The following DYM variants were observed in gnomAD, a reference collection of about 807,000 sequenced individuals.
DYM encodes the protein dyggve-Melchior-Clausen syndrome protein.
A neutral mutation model predicts 93.1 loss-of-function variants in DYM; 78 were observed. That is an observed-to-expected ratio of 0.84 (90% CI 0.70 to 1.01). The LOEUF (loss-of-function observed/expected upper bound fraction) is 1.01, where lower values mean the gene tolerates loss of function less well. DYM is among the 50% of genes least tolerant of loss of function. The pLI is 0.00. For synonymous variants in DYM, 321 were observed against 319.7 expected (o/e 1.00, Z -0.04); for missense variants, 789 against 845.0 (o/e 0.93, Z 0.82).
intron 15 of DYM, among the ~76,000 whole-genome samples, chr18:49,135,187 C>A (rs1281417947): frequency 6.6e-6 from 1 of 152,132 alleles, no homozygotes; most frequent in Non-Finnish European, 1.5e-5. Context: ...GAAAAAATGA[C>A]TATTTCCACT....
At chr18:49,375,256 GA>G (rs934059029) in intron 5 of DYM, among the ~76,000 whole-genome samples, 13 of 143,780 alleles carry the variant, frequency 9.0e-5, no homozygotes, top group African/African-American at 2.9e-4. Context: ...GGCTTTAGAA[GA>G]AAAAAATATA....
intron 14 of DYM, among the ~76,000 whole-genome samples, chr18:49,165,553 A>T (rs1396220574): frequency 6.6e-6 from 1 of 152,150 alleles, no homozygotes; most frequent in Non-Finnish European, 1.5e-5. Context: ...GCCACTAAGT[A>T]GTCTTTGTAG....
intron 8 of DYM, among the ~76,000 whole-genome samples, chr18:49,316,242 A>AT (rs1407754517): frequency 6.6e-6 from 1 of 152,210 alleles, no homozygotes; most frequent in Admixed American, 6.5e-5. Flanking sequence ...AGATCGCGCC[A>AT]TTATACTCCA....
At chr18:49,090,101 T>C (rs1599670537) in intron 17 of DYM, among the ~76,000 whole-genome samples, 1 of 152,360 alleles carries the variant, frequency 6.6e-6, no homozygotes, top group East Asian at 1.9e-4. Flanking sequence ...AGGTATTACA[T>C]TATTCTAGCA....
rs554530476 is a variant in DYM at position 49,319,605 on chromosome 18, C to T, written c.763+12259G>A. ...CATTTTGTTCTGGACACTTATCACA[C>T]GTTATTTAAATGTGACAAAAGCCCA... is the stretch of plus-strand genomic sequence containing the variant. On this transcript the variant is annotated intron_variant, in intron 8 of 17. Transcript: ENST00000675505. 4.6e-5 allele frequency among the ~76,000 whole-genome samples: 7 copies of T among 152,256 alleles called. No individual in the cohort carries two copies. In the South Asian group the frequency reaches 1.0e-3, roughly 23 times the overall value.
At chr18:49,067,291 C>T (rs1156755332) in intron 17 of DYM, among the ~76,000 whole-genome samples, 33 of 9,546 alleles carry the variant, frequency 3.5e-3, no homozygotes, top group African/African-American at 5.9e-3. Flanking sequence ...GTGATGTGAG[C>T]ACTATGGAGG....
At chr18:49,107,927 C>A (rs2081012967) in intron 16 of DYM, among the ~76,000 whole-genome samples, 1 of 152,226 alleles carries the variant, frequency 6.6e-6, no homozygotes, top group African/African-American at 2.4e-5. Context: ...CTACTCTCTT[C>A]AAAGCTGTCA....
At chr18:49,114,971 T>C (rs2081791203) in intron 16 of DYM, among the ~76,000 whole-genome samples, 1 of 152,214 alleles carries the variant, frequency 6.6e-6, no homozygotes, top group African/African-American at 2.4e-5. Context: ...TGTATAGTGG[T>C]TAGGCAGAAT....
intron 2 of DYM, among the ~76,000 whole-genome samples, chr18:49,425,900 G>T (rs2074237842): frequency 1.3e-5 from 2 of 151,898 alleles, no homozygotes; most frequent in Non-Finnish European, 2.9e-5. Flanking sequence ...GAAACAACAG[G>T]TGCTGGAGAG....
At chr18:49,417,525 G>A (rs533869589) in intron 2 of DYM, among the ~76,000 whole-genome samples, 30 of 151,516 alleles carry the variant, frequency 2.0e-4, no homozygotes, top group South Asian at 2.1e-4. Flanking sequence ...AAACCCAAAT[G>A]GTAAATCCAA....
intron 10 of DYM, among the ~76,000 whole-genome samples, chr18:49,273,727 T>C (rs1390329826): frequency 6.6e-6 from 1 of 152,084 alleles, no homozygotes; most frequent in Non-Finnish European, 1.5e-5. Flanking sequence ...GTACATGCTA[T>C]GATATTTGCA....
At chr18:49,243,666 C>CAAAA (rs59748721) in intron 13 of DYM, among the ~76,000 whole-genome samples, 1 of 114,218 alleles carries the variant, frequency 8.8e-6, no homozygotes. Context: ...GGCTCTGTCT[C>CAAAA]AAAAAAAAAA....
chr18:49,142,745 A>G (rs1234325631), intron 15 of DYM, among the ~76,000 whole-genome samples: 1 of 152,188 alleles, frequency 6.6e-6, no homozygotes. Context: ...GTTACTTACC[A>G]AAGAATAGGT....
intron 17 of DYM, among the ~76,000 whole-genome samples, chr18:49,063,391 G>GAT (rs2076143400): frequency 6.7e-6 from 1 of 149,606 alleles, no homozygotes; most frequent in Non-Finnish European, 1.5e-5. Flanking sequence ...TTTGTAAATA[G>GAT]ATATATGAAC....
chr18:49,233,883 T>C (rs1650192312), intron 13 of DYM, among the ~76,000 whole-genome samples: 1 of 151,950 alleles, frequency 6.6e-6, no homozygotes, highest in African/African-American at 2.4e-5. Context: ...TCCCAGCACT[T>C]TGGGAGGCCG....
chr18:49,262,150 G>A (rs1161977334), intron 11 of DYM, among the ~76,000 whole-genome samples: 1 of 152,158 alleles, frequency 6.6e-6, no homozygotes, highest in South Asian at 2.1e-4. Flanking sequence ...GTAAGATGAG[G>A]AAGACAGACA....
In DYM at chr18:49,155,364, C is replaced by CT. The variant is rs539837375; in HGVS notation, c.1728+8320dup. Reference sequence around the variant, plus strand: ...TTTTCCCCCCGTGCTCAAAGCACTACTTTTTTTTCAATGGCTTCATCAAGA... The same window carrying CT: ...TTTTCCCCCCGTGCTCAAAGCACTACTTTTTTTTTCAATGGCTTCATCAAGA... On this transcript the variant is annotated intron_variant, in intron 15 of 17. Transcript: ENST00000675505. 5.9e-3 allele frequency among the ~76,000 whole-genome samples: 897 copies of CT among 152,226 alleles called. 24 individuals are homozygous for CT. The South Asian group carries it at 0.074, about 13-fold the overall frequency.
chr18:49,209,012 CCTG>C (rs367651450), intron 14 of DYM, among the ~76,000 whole-genome samples: 1 of 152,290 alleles, frequency 6.6e-6, no homozygotes, highest in East Asian at 1.9e-4. Context: ...CACATTGCAA[CCTG>C]CTGATTTTAT....
At chr18:49,413,369 G>C (rs1007814527) in intron 2 of DYM, among the ~76,000 whole-genome samples, 2 of 152,194 alleles carry the variant, frequency 1.3e-5, no homozygotes, top group Non-Finnish European at 2.9e-5. Context: ...AATGGGTCCA[G>C]CATCTGACAA....
Sources: allele counts gnomAD v4.1 joint callset (sites outside exome capture counted in the v4.1 genomes callset), GRCh38; gene constraint gnomAD v4.1.1; transcripts MANE v1.5; gene names NCBI Gene and HGNC (gene_info 2026-07-23, HGNC 2026-07-21).